Variants in DGKH observed in about 807,000 individuals in gnomAD.
The protein encoded by DGKH is diacylglycerol kinase eta.
In DGKH, 90 loss-of-function variants were observed where a neutral mutation model predicts 159.3. The ratio of observed to expected loss-of-function variants is 0.57; its 90% confidence interval spans 0.48 to 0.67. DGKH has a LOEUF of 0.67. Among genes scored for constraint, DGKH ranks in the 30% least tolerant of loss-of-function variants. DGKH has a pLI of 0.00. For missense variants in DGKH, 1,181 were observed against 1,506.1 expected, an observed-to-expected ratio of 0.78 and a Z score of 3.57; for synonymous variants, 536 against 553.8, an observed-to-expected ratio of 0.97 and a Z score of 0.45.
chr13:42,200,335 TAAC>T (rs943619006), intron 20 of DGKH, among the ~76,000 whole-genome samples: 12 of 152,224 alleles, frequency 7.9e-5, no homozygotes, highest in Non-Finnish European at 1.6e-4. Context: ...CAATTATTTC[TAAC>T]AACAAGTAAA....
intron 29 of DGKH, among the ~76,000 whole-genome samples, chr13:42,223,617 T>C (rs410961): frequency 0.81 from 123,005 of 151,596 alleles, 50,223 homozygotes; most frequent in East Asian, 0.91. Flanking sequence ...AAAAACTAGC[T>C]AGGTGTGGTG....
rs529673984 is a variant in DGKH at position 42,128,960 on chromosome 13, T to A, written c.304-592T>A. On this transcript the variant is annotated intron_variant, in intron 2 of 29. Transcript: ENST00000337343. The stretch of plus-strand genomic sequence containing the variant: ...ACGCTGAATGAGTATGAACAATGAG[T>A]GACTAAAAGTGGGAAGCCTACATTT... Among the ~76,000 whole-genome samples, 4 of 152,204 alleles carry A rather than the reference T, an allele frequency of 2.6e-5. No individual in the cohort carries two copies. The South Asian group carries it at 8.3e-4, about 32-fold the overall frequency.
At chr13:42,195,212 T>G (rs347392) in intron 17 of DGKH, among the ~76,000 whole-genome samples, 196 bp downstream of exon 17, 1 of 152,240 alleles carries the variant, frequency 6.6e-6, no homozygotes, top group Non-Finnish European at 1.5e-5. Flanking sequence ...ATTAAAACAC[T>G]TGTTTCGGCC....
At chr13:42,079,147 C>T (rs1954153298) in intron 1 of DGKH, among the ~76,000 whole-genome samples, 1 of 151,942 alleles carries the variant, frequency 6.6e-6, no homozygotes, top group Non-Finnish European at 1.5e-5. Context: ...AACTACTGAC[C>T]TCAGGTGATC....
intron 9 of DGKH, 111 bp from the exon 10 acceptor site, chr13:42,168,329 G>C: frequency 1.2e-6 from 1 of 855,410 alleles, no homozygotes; most frequent in East Asian, 2.7e-5. Flanking sequence ...TAACATGTAA[G>C]TAGGAGTTCT....
chr13:42,079,862 G>A (rs1184161069), intron 1 of DGKH, among the ~76,000 whole-genome samples: 1 of 152,144 alleles, frequency 6.6e-6, no homozygotes, highest in Non-Finnish European at 1.5e-5. Flanking sequence ...TTGTTAAGTA[G>A]TACTTCCAAG....
chr13:42,200,199 G>A (rs1472015357), intron 20 of DGKH, among the ~76,000 whole-genome samples: 3 of 152,108 alleles, frequency 2.0e-5, no homozygotes, highest in Admixed American at 1.3e-4. Context: ...GTTTTTAATG[G>A]ATTTTCTCAT....
At chr13:42,150,374 A>G (rs1440184838) in intron 3 of DGKH, among the ~76,000 whole-genome samples, 1 of 152,200 alleles carries the variant, frequency 6.6e-6, no homozygotes, top group Non-Finnish European at 1.5e-5. Flanking sequence ...AACAGGAGAA[A>G]GAGGTTGTGA....
intron 1 of DGKH, among the ~76,000 whole-genome samples, chr13:42,098,227 C>T (rs1486139843): frequency 2.0e-5 from 3 of 152,176 alleles, no homozygotes; most frequent in Non-Finnish European, 4.4e-5. Flanking sequence ...TGCCTCATGC[C>T]TGTAATCCCA....
At chr13:42,180,136 T>C (rs1260297786) in intron 13 of DGKH, among the ~76,000 whole-genome samples, 2 of 152,248 alleles carry the variant, frequency 1.3e-5, no homozygotes, top group Non-Finnish European at 2.9e-5. Context: ...TTTCTAGCAA[T>C]GTCCTCTGAA....
intron 9 of DGKH, among the ~76,000 whole-genome samples, chr13:42,167,047 C>T (rs1018472841): frequency 2.6e-5 from 4 of 152,024 alleles, no homozygotes; most frequent in African/African-American, 4.8e-5. Context: ...ATTATTAAAC[C>T]AAAGTACAGG....
intron 11 of DGKH, 142 bp downstream of exon 11, chr13:42,168,960 T>A: frequency 1.1e-6 from 1 of 904,486 alleles, no homozygotes; most frequent in African/African-American, 1.7e-5. Flanking sequence ...TCTTGTCCAC[T>A]GGTTAATCCC....
intron 1 of DGKH, among the ~76,000 whole-genome samples, chr13:42,056,782 C>T (rs1881791428): frequency 1.3e-5 from 2 of 152,102 alleles, no homozygotes; most frequent in African/African-American, 4.8e-5. Context: ...AGACAGGCTC[C>T]TTACTTCTCT....
rs964100821 is a variant in DGKH at position 42,233,239 on chromosome 13, T to C, written c.*4051T>C. The C allele has an allele frequency of 1.3e-5, 2 of 152,206 alleles. No homozygotes were observed. The highest frequency in any genetic ancestry group is 4.8e-5 in the African/African-American group (2 of 41,444). The allele number at this position is 152,206 out of a possible 1,614,324, so 9.4% of individuals were successfully genotyped here. A position where few individuals can be genotyped will look rare whatever the true frequency, so the allele number is the denominator to read the frequency against. ...TGCAGATGTAGAAAATTTCCATCAC[T>C]GCAAAAATTCTATTGGACAGCACTG... On this transcript the variant is annotated 3_prime_UTR_variant, in exon 30 of 30. Transcript: ENST00000337343.
chr13:42,256,109 G>A, intron 30 of DGKH: 1 of 1,198,774 alleles, frequency 8.3e-7, no homozygotes, highest in Non-Finnish European at 1.2e-6. Flanking sequence ...TATCATGCCA[G>A]GCAAGGTGAA....
intron 1 of DGKH, among the ~76,000 whole-genome samples, chr13:42,121,482 A>G (rs1312751623): frequency 2.0e-5 from 3 of 152,216 alleles, no homozygotes; most frequent in African/African-American, 7.2e-5. Context: ...CTGTACTTAC[A>G]TAAATTATAG....
intron 26 of DGKH, among the ~76,000 whole-genome samples, 180 bp from the exon 27 acceptor site, chr13:42,219,050 G>T (rs942595922): frequency 2.6e-5 from 4 of 152,114 alleles, no homozygotes; most frequent in African/African-American, 9.7e-5. Context: ...AATCTATTCA[G>T]ATTTTTTAAA....
intron 1 of DGKH, among the ~76,000 whole-genome samples, chr13:42,078,150 T>G (rs1419960423): frequency 6.6e-6 from 1 of 152,258 alleles, no homozygotes; most frequent in East Asian, 1.9e-4. Context: ...GTGTAGTAAG[T>G]ACTGCATCAG....
At chr13:42,255,990 C>G in intron 30 of DGKH, 1 of 1,603,786 alleles carries the variant, frequency 6.2e-7, no homozygotes, top group South Asian at 1.1e-5. Flanking sequence ...GCCATGAACA[C>G]TACTGCCTGT....
Sources: gnomAD v4.1 joint callset for allele counts (sites outside exome capture counted in the v4.1 genomes callset) on GRCh38, gnomAD v4.1.1 for gene constraint, MANE v1.5 for transcripts, NCBI Gene and HGNC (gene_info 2026-07-23, HGNC 2026-07-21) for gene names.